The following ZNF768 variants were observed in gnomAD, a reference collection of about 807,000 sequenced individuals.
ZNF768 encodes the protein zinc finger protein 768.
Under a neutral mutation model 39.7 loss-of-function variants are expected in ZNF768, and 12 were observed. The observed-to-expected ratio is 0.30, with a 90% CI of 0.19 to 0.49. The LOEUF (loss-of-function observed/expected upper bound fraction) is 0.49. Ranked by LOEUF, ZNF768 falls within the 20% of genes least tolerant of loss-of-function variation. The probability of loss-of-function intolerance (pLI) is 0.99; values close to 1 mark genes in which losing one functional copy is unlikely to be tolerated. For synonymous variants in ZNF768, 360 were observed against 288.4 expected, an observed-to-expected ratio of 1.25 and a Z score of -2.52; for missense variants, 613 against 723.2, an observed-to-expected ratio of 0.85 and a Z score of 1.75.
rs1193875295 is a variant in ZNF768 at position 30,526,353 on chromosome 16, T to G, written c.61A>C (p.Met21Leu). The G allele has an allele frequency of 6.2e-7, 1 of 1,608,150 alleles. No homozygotes were observed. Among genetic ancestry groups the G allele is most frequent in the East Asian group, 2.3e-5 (1 of 43,848 alleles). Reference protein sequence around the residue: ...EPQDVQSSDEMRSPEGYLRGN... With the variant: ...EPQDVQSSDELRSPEGYLRGN... ...CTGAGGTACCCTTCGGGGCTCCTCA[T>G]TTCGTCAGAACTCTGCACATCCTGG... The change falls in exon 1 of 2, where the codon ATG (methionine) becomes CTG (leucine). Residue 21 changes from methionine to leucine, a missense_variant. Around this residue, in one of 4 missense-constraint regions of ZNF768, gnomAD observed 347 missense variants for 326.1 expected, o/e 1.06. Transcript: ENST00000380412.
At position 30,524,556 on chromosome 16, in the gene ZNF768, G is replaced by A; in HGVS notation, c.1584C>T (p.Leu528=). ...CGKAFSQSSD[L]IRHQRTHAAG... ...CCGCGTGGGTCCGCTGGTGGCGGAT[G>A]AGGTCGGAGCTCTGGGAGAAGGCCT... Residue 528 remains leucine, a synonymous_variant, in exon 2 of 2, where the codon CTC becomes CTT. Coordinates refer to ENST00000380412, the MANE Select transcript of ZNF768 (RefSeq NM_024671.4). 1 of 1,611,586 alleles carries A rather than the reference G, an allele frequency of 6.2e-7. No homozygotes were observed.
At position 30,524,325 on chromosome 16, in the gene ZNF768, G is replaced by GA; in HGVS notation, c.*191_*192insT. On this transcript the variant is annotated 3_prime_UTR_variant, in exon 2 of 2. Coordinates refer to ENST00000380412, the MANE Select transcript of ZNF768 (RefSeq NM_024671.4). The stretch of plus-strand genomic sequence containing the variant: ...TTTCTCCCAGGGCCTCCCGCTGCCG[G>GA]CCTGGCCTCCCTCCAACCCACTTCC... 1.1e-6 allele frequency: 1 copy of GA among 916,568 alleles called. No individual in the cohort carries two copies. Among genetic ancestry groups the GA allele is most frequent in the Non-Finnish European group, 1.5e-6 (1 of 646,316 alleles). The allele number at this position is 916,568 out of a possible 1,614,324, so 56.8% of individuals were successfully genotyped here. A position where few individuals can be genotyped will look rare whatever the true frequency, so the allele number is the denominator to read the frequency against.
chr16:30,525,084 C>G lies in ZNF768; in HGVS notation c.1056G>C (p.Lys352Asn). Residue 352 changes from lysine (K) to asparagine (N), a missense_variant, in exon 2 of 2, where the codon AAG (lysine) becomes AAC (asparagine). Lys to Asn is a moderately conservative substitution (Grantham distance 94). Transcript: ENST00000380412. The part of the protein sequence containing the change: ...QKPYKCPHCG[K>N]AFGDSSYLLR... ...GGAGGTAGGAGCTGTCGCCGAAGGCCTTGCCACAATGTGGGCACTTGTAGG... is the reference window on the plus strand; with the variant it reads ...GGAGGTAGGAGCTGTCGCCGAAGGCGTTGCCACAATGTGGGCACTTGTAGG... 1.2e-6 allele frequency: 2 copies of G among 1,614,190 alleles called. No homozygotes were observed. Among genetic ancestry groups the G allele is most frequent in the Non-Finnish European group, 1.7e-6 (2 of 1,180,020 alleles).
rs1165664015 is a variant in ZNF768, at chr16:30,524,736, G to A, written c.1404C>T (p.Arg468=). Residue 468 remains arginine (R), a synonymous_variant, in exon 2 of 2, where the codon CGC becomes CGT. Transcript: ENST00000380412. The part of the protein sequence containing the change: ...SCPDCGKTFN[R]SSTLIQHQRS... ...GCTGGTGCTGGATGAGAGTGGAGGA[G>A]CGATTGAAGGTCTTGCCGCAGTCGG... 11 of 1,603,258 alleles carry A rather than the reference G, an allele frequency of 6.9e-6. No individual in the cohort carries two copies. The highest frequency in any genetic ancestry group is 2.2e-5 in the South Asian group (2 of 88,978).
At chr16:30,528,035 T>C (rs1597119965), upstream of ZNF768, 1 of 152,210 alleles carries the variant, frequency 6.6e-6, no homozygotes, top group African/African-American at 2.4e-5. Context: ...GTCTTTTTTT[T>C]CTACGCTTCG....
At chr16:30,528,448 G>A (rs1417829309), upstream of ZNF768, among the ~76,000 whole-genome samples, 2 of 152,124 alleles carry the variant, frequency 1.3e-5, no homozygotes, top group African/African-American at 4.8e-5. Flanking sequence ...CAGCTACTTG[G>A]GAGGCTGAGG....
At chr16:30,527,224 C>T (rs569066022), upstream of ZNF768, 2 of 985,614 alleles carry the variant, frequency 2.0e-6, no homozygotes, top group Admixed American at 6.1e-5. Flanking sequence ...CGCCGAGGTC[C>T]TTGAGCCTGG....
chr16:30,532,471 A>G, the ZNF768 span: 10 of 1,584,232 alleles, frequency 6.3e-6, no homozygotes, highest in Non-Finnish European at 8.6e-6. Context: ...GGCCGCCCAC[A>G]ATGTCTAGAT....
the ZNF768 span, chr16:30,531,933 G>C: frequency 6.3e-6 from 1 of 158,936 alleles, no homozygotes; most frequent in Non-Finnish European, 1.4e-5. Flanking sequence ...GATCACCTGA[G>C]GGCAGGAGTT....
rs750686634 is a variant in ZNF768 at position 30,525,545 on chromosome 16, T to A, written c.595A>T (p.Thr199Ser). The A allele has an allele frequency of 1.2e-5, 20 of 1,614,086 alleles. No homozygotes were observed. Among genetic ancestry groups the A allele is most frequent in the Non-Finnish European group, 1.6e-5 (19 of 1,180,032 alleles). Residue 199 changes from threonine (T) to serine (S), a missense_variant, in exon 2 of 2, where the codon ACT becomes TCT. This residue lies in a region of ZNF768 where 347 missense variants were observed against 326.1 expected (regional missense o/e 1.06). Coordinates refer to ENST00000380412, the MANE Select transcript of ZNF768 (RefSeq NM_024671.4). ...SVGVHPLDSFTQGFGEQPTGD... is the reference protein window; with the variant it reads ...SVGVHPLDSFSQGFGEQPTGD... ...GTGGGCTGCTCCCCAAACCCCTGAG[T>A]GAAGGAGTCCAGGGGGTGAACTCCT...
upstream of ZNF768, chr16:30,526,839 TC>T (rs1421458040): frequency 9.2e-5 from 77 of 832,506 alleles, 1 homozygote; most frequent in African/African-American, 1.6e-3. Flanking sequence ...CGCGGCCAGG[TC>T]CCCCCGCCGG....
chr16:30,525,951 A>T lies in ZNF768; in HGVS notation c.189T>A (p.Pro63=). Residue 63 remains proline, a synonymous_variant, in exon 2 of 2, where the codon CCT becomes CCA. Coordinates refer to ENST00000380412, the MANE Select transcript of ZNF768 (RefSeq NM_024671.4). ...ACTCTGGGCTTTGTGGCTCAAACCC[A>T]GGGCTCTGGGGTTCAAGCCCAAATG... ...EIPFGLEPQS[P]GFEPQSPEFE... is the part of the protein sequence containing the mutation. The T allele has an allele frequency of 1.3e-6, 2 of 1,513,540 alleles. No individual in the cohort carries two copies. The highest frequency in any genetic ancestry group is 2.8e-5 in the African/African-American group (2 of 71,680). 93.8% of individuals were successfully genotyped at this position (1,513,540 alleles called of 1,614,324 possible).
upstream of ZNF768, chr16:30,527,282 C>T (rs2051336297): frequency 1.0e-6 from 1 of 986,370 alleles, no homozygotes; most frequent in Non-Finnish European, 1.2e-6. Context: ...GCGCCCGCTC[C>T]CGTTCCTCCG....
upstream of ZNF768, chr16:30,527,449 G>GTA (rs2051337928): frequency 2.3e-6 from 1 of 431,012 alleles, no homozygotes; most frequent in East Asian, 1.6e-4. Context: ...TCGTGCTCTA[G>GTA]CCGCCCCGCC....
At chr16:30,526,753 C>CCGCCCCCCGGGGGGG, upstream of ZNF768, 1 of 751,098 alleles carries the variant, frequency 1.3e-6, no homozygotes, top group Non-Finnish European at 1.6e-6. Flanking sequence ...TTCTGGACCC[C>CCGCCCCCCGGGGGGG]GGCCCCGGGC....
chr16:30,525,004 C>T lies in ZNF768; in HGVS notation c.1136G>A (p.Gly379Asp). 1 of 1,614,038 alleles carries T rather than the reference C, an allele frequency of 6.2e-7. No individual in the cohort carries two copies. The highest frequency in any genetic ancestry group is 8.5e-7 in the Non-Finnish European group (1 of 1,179,974). Residue 379 changes from glycine (G) to aspartate (D), a missense_variant, in exon 2 of 2, where the codon GGC becomes GAC. Gly to Asp is a moderately conservative substitution (Grantham distance 94, BLOSUM62 -1). Coordinates refer to ENST00000380412, the MANE Select transcript of ZNF768 (RefSeq NM_024671.4). Reference protein sequence around the residue: ...HERPYSCTECGKCYSQNSSLR... With the variant: ...HERPYSCTECDKCYSQNSSLR... ...GGACGAGTTCTGGCTATAGCACTTGCCGCACTCGGTGCAGCTGTAGGGCCG... is the reference window on the plus strand; with the variant it reads ...GGACGAGTTCTGGCTATAGCACTTGTCGCACTCGGTGCAGCTGTAGGGCCG...
Position 30,524,476 on chromosome 16 carries a change from T to A in ZNF768, c.*41A>T. 1 of 1,569,330 alleles carries A rather than the reference T, an allele frequency of 6.4e-7. No homozygotes were observed. The highest frequency in any genetic ancestry group is 8.6e-7 in the Non-Finnish European group (1 of 1,163,884). On this transcript the variant is annotated 3_prime_UTR_variant, in exon 2 of 2. Transcript: ENST00000380412. ...AGGTTCCTCTAGCTCCCTGGCCCCT[T>A]ATCTTCTGCCCACACCTCCCACCCC...
chr16:30,527,143 TCCCTC>T (rs1438980412), upstream of ZNF768: 3 of 984,918 alleles, frequency 3.0e-6, no homozygotes, highest in African/African-American at 1.8e-5. Context: ...GGTGTCTCGC[TCCCTC>T]CCCTCCCGGG....
rs2051312663 is a variant in ZNF768, at chr16:30,525,440, T to C, written c.700A>G (p.Asn234Asp). The C allele has an allele frequency of 6.2e-7, 1 of 1,614,002 alleles. No individual in the cohort carries two copies. Among genetic ancestry groups the C allele is most frequent in the Admixed American group, 1.7e-5 (1 of 60,004 alleles). The change falls in exon 2 of 2, where the codon AAT becomes GAT. Residue 234 changes from asparagine to aspartate, a missense_variant. This residue lies in a region of ZNF768 where 347 missense variants were observed against 326.1 expected (regional missense o/e 1.06). Transcript: ENST00000380412. ...AGGGCTCCTGTGAGACCCAGGGGATTCTGAAGCATCTCAAACTGCGGTGTA... is the reference window on the plus strand; with the variant it reads ...AGGGCTCCTGTGAGACCCAGGGGATCCTGAAGCATCTCAAACTGCGGTGTA... ...LSTPQFEMLQ[N>D]PLGLTGALRG...
Sources: allele counts gnomAD v4.1 joint callset (sites outside exome capture counted in the v4.1 genomes callset), GRCh38; gene constraint gnomAD v4.1.1; regional missense constraint gnomAD v4.1.1; transcripts MANE v1.5; gene names NCBI Gene and HGNC (gene_info 2026-07-23, HGNC 2026-07-21).